CCDC40: variants seen among roughly 807,000 people sequenced by gnomAD.
CCDC40 encodes the protein coiled-coil domain 40 molecular ruler complex subunit, also known as coiled-coil domain-containing protein 40.
A neutral mutation model predicts 124.5 loss-of-function variants in CCDC40; 104 were observed. The ratio of observed to expected loss-of-function variants is 0.84; its 90% CI spans 0.71 to 0.98. The LOEUF (loss-of-function observed/expected upper bound fraction) is 0.98, where lower values mean the gene tolerates loss of function less well. Among genes scored for constraint, CCDC40 ranks in the 50% least tolerant of loss-of-function variants. The pLI is 0.00. For missense variants in CCDC40, 1,463 were observed against 1,503.9 expected, an observed-to-expected ratio of 0.97 and a Z score of 0.45; for synonymous variants, 580 against 602.9, an observed-to-expected ratio of 0.96 and a Z score of 0.56.
intron 16 of CCDC40, 135 bp from the exon 17 acceptor site, chr17:80,089,629 G>C (rs756481289): frequency 9.3e-7 from 1 of 1,070,702 alleles, no homozygotes; most frequent in Non-Finnish European, 1.4e-6. Flanking sequence ...GGCTTTGAGA[G>C]CCTCACGCTT....
chr17:80,042,746 G>A (rs1451453634), intron 3 of CCDC40, among the ~76,000 whole-genome samples: 1 of 152,142 alleles, frequency 6.6e-6, no homozygotes, highest in African/African-American at 2.4e-5. Flanking sequence ...TGATCTTACA[G>A]GAAAAGCATC....
At chr17:80,048,219 C>T (rs964536199) in intron 4 of CCDC40, among the ~76,000 whole-genome samples, 5 of 152,210 alleles carry the variant, frequency 3.3e-5, no homozygotes, top group African/African-American at 1.2e-4. Context: ...GAGATCACGC[C>T]ACTGCACTCC....
intron 7 of CCDC40, among the ~76,000 whole-genome samples, chr17:80,052,620 G>A (rs1236616912): frequency 6.6e-6 from 1 of 152,074 alleles, no homozygotes; most frequent in Non-Finnish European, 1.5e-5. Context: ...TTACCAACCC[G>A]AGATCCCCAG....
intron 12 of CCDC40, 130 bp from the exon 13 acceptor site, chr17:80,084,613 G>C: frequency 9.1e-7 from 1 of 1,093,856 alleles, no homozygotes; most frequent in Non-Finnish European, 1.4e-6. Context: ...CCAGCCTCCT[G>C]CACTCGTGAC....
intron 9 of CCDC40, among the ~76,000 whole-genome samples, chr17:80,061,471 T>C (rs1042208773): frequency 1.3e-5 from 2 of 152,172 alleles, no homozygotes; most frequent in Admixed American, 6.6e-5. Flanking sequence ...TCGCAGCCAT[T>C]AGTAAATCCG....
At chr17:80,048,786 C>T in intron 5 of CCDC40, 25 bp downstream of exon 5, 1 of 1,583,246 alleles carries the variant, frequency 6.3e-7, no homozygotes, top group Non-Finnish European at 8.6e-7. Context: ...CCAGGTTTTG[C>T]TTTTGCCTAC....
chr17:80,051,937 A>G (rs754815240), intron 7 of CCDC40, among the ~76,000 whole-genome samples: 1 of 152,188 alleles, frequency 6.6e-6, no homozygotes, highest in Non-Finnish European at 1.5e-5. Flanking sequence ...CTTCCTGGAG[A>G]TTAGGAGAGG....
In CCDC40 at chr17:80,087,632, G is replaced by A; in HGVS notation, c.2475G>A (p.Glu825=). The A allele has an allele frequency of 6.2e-7, 1 of 1,614,156 alleles. No homozygotes were observed. Residue 825 remains glutamate, a synonymous_variant, in exon 15 of 20, where the codon GAG becomes GAA. Transcript: ENST00000397545. The surrounding 1 kb of genome is among the most constrained non-coding windows in gnomAD (Gnocchi z 4.5). ...GCAAGATTGAGCAGGAGAAGAAGGA[G>A]CAGAAGGAGATCGAGCACCACATGA... ...VESKIEQEKK[E]QKEIEHHMKD...
In CCDC40 at chr17:80,058,671, C is replaced by T. The variant is rs372184999; in HGVS notation, c.1317+20C>T. 283 of 1,613,648 alleles carry T rather than the reference C, an allele frequency of 1.8e-4. 3 individuals carry two copies. The Middle Eastern group carries it at 2.6e-3, about 15-fold the overall frequency. Reference sequence around the variant, plus strand: ...AAGCAGGTATTCTGCAAACTCGACACATGTTTAATGATCACCAGACCGTGG... The same window carrying T: ...AAGCAGGTATTCTGCAAACTCGACATATGTTTAATGATCACCAGACCGTGG... On this transcript the variant is annotated intron_variant, in intron 8 of 19. Coordinates refer to ENST00000397545, the MANE Select transcript of CCDC40 (RefSeq NM_017950.4). The surrounding 1 kb of genome is among the most constrained non-coding windows in gnomAD (Gnocchi z 4.2).
intron 17 of CCDC40, among the ~76,000 whole-genome samples, chr17:80,094,694 A>T (rs1167703822): frequency 6.6e-6 from 1 of 152,142 alleles, no homozygotes; most frequent in Non-Finnish European, 1.5e-5. Flanking sequence ...ACTCCGTCTC[A>T]AAAAATTTTT....
intron 17 of CCDC40, chr17:80,090,502 C>T (rs1376668144): frequency 1.2e-5 from 19 of 1,525,244 alleles, no homozygotes. Flanking sequence ...TGTCATCTCA[C>T]AAAACGCTGT....
chr17:80,088,245 GTTTT>G (rs1279150248), intron 16 of CCDC40, 143 bp downstream of exon 16: 6 of 719,174 alleles, frequency 8.3e-6, no homozygotes, highest in East Asian at 2.7e-5. Flanking sequence ...TTGTTGTTTT[GTTTT>G]TTGTTTTGTT....
At chr17:80,089,310 G>A (rs369541108) in intron 16 of CCDC40, among the ~76,000 whole-genome samples, 26 of 152,364 alleles carry the variant, frequency 1.7e-4, no homozygotes, top group South Asian at 6.2e-4. Context: ...GATGAATAGC[G>A]CAGGGATCGC....
At position 80,056,572 on chromosome 17, in the gene CCDC40, C is replaced by T. The variant is rs561210783; in HGVS notation, c.1160-1922C>T. On this transcript the variant is annotated intron_variant, in intron 7 of 19. Transcript: ENST00000397545. Reference sequence around the variant, plus strand: ...GAAGCTGCGGTGAGCTATGATTGTGCGACTGCACTCCAGCCTGGGTGACAA... The same window carrying T: ...GAAGCTGCGGTGAGCTATGATTGTGTGACTGCACTCCAGCCTGGGTGACAA... 9.2e-5 allele frequency among the ~76,000 whole-genome samples: 14 copies of T among 152,232 alleles called. No individual in the cohort carries two copies. In the South Asian group the frequency reaches 2.5e-3, roughly 27 times the overall value.
At chr17:80,037,688 A>AAAAATATATATATATAT in intron 1 of CCDC40, among the ~76,000 whole-genome samples, 3 of 45,678 alleles carry the variant, frequency 6.6e-5, no homozygotes, top group Admixed American at 2.4e-4. Flanking sequence ...TTTTTTAAAA[A>AAAAATATATATATATAT]AGATATACAT....
At chr17:80,073,110 C>A (rs1224291158) in intron 10 of CCDC40, among the ~76,000 whole-genome samples, 1 of 152,226 alleles carries the variant, frequency 6.6e-6, no homozygotes, top group South Asian at 2.1e-4. Flanking sequence ...TCAAGCAATT[C>A]TCCTGCTTCA....
At position 80,048,573 on chromosome 17, in the gene CCDC40, C is replaced by T. The variant is rs1362759260; in HGVS notation, c.677-10C>T. ...CAGCTCCTCAATGGTGTCGCTGTCT[C>T]TCCCCCCAGTGATCCCCCCAGGGGT... On this transcript the variant is annotated splice_polypyrimidine_tract_variant and intron_variant, in intron 4 of 19. Transcript: ENST00000397545. 3.1e-6 allele frequency: 5 copies of T among 1,610,214 alleles called. No individual in the cohort carries two copies. In the South Asian group the frequency reaches 4.4e-5, roughly 14 times the overall value.
Position 80,098,156 on chromosome 17 carries a change from G to A in CCDC40, c.3180+753G>A, listed in dbSNP as rs530884923. 3.5e-4 allele frequency among the ~76,000 whole-genome samples: 54 copies of A among 152,308 alleles called. No homozygotes were observed. The South Asian group carries it at 7.9e-3, about 22-fold the overall frequency. On this transcript the variant is annotated intron_variant, in intron 19 of 19. Transcript: ENST00000397545. ...CCACCCCAGGTGGACAGGACAGCCC[G>A]GCAAGGCAGAAGCCTGAGACTGCGC... is the stretch of plus-strand genomic sequence containing the variant.
chr17:80,047,953 A>T (rs906800320), intron 4 of CCDC40, among the ~76,000 whole-genome samples: 1 of 152,216 alleles, frequency 6.6e-6, no homozygotes, highest in Non-Finnish European at 1.5e-5. Flanking sequence ...TGCAAATGAC[A>T]TGAAAACAGC....
Sources: gnomAD v4.1 joint callset for allele counts (sites outside exome capture counted in the v4.1 genomes callset) on GRCh38, gnomAD v4.1.1 for gene constraint, Gnocchi (gnomAD v3.1) non-coding constraint, MANE v1.5 for transcripts, NCBI Gene and HGNC (gene_info 2026-07-23, HGNC 2026-07-21) for gene names.